Variants in BOD1 observed in about 807,000 individuals in gnomAD.
The protein encoded by BOD1 is biorientation of chromosomes in cell division protein 1.
BOD1 carries 11 observed loss-of-function variants against 15.7 expected under a neutral mutation model. That is an observed-to-expected ratio of 0.70 (90% CI 0.44 to 1.16). BOD1 has a LOEUF of 1.16. Among genes scored for constraint, BOD1 ranks in the 50% most tolerant of loss-of-function variants. The probability of loss-of-function intolerance (pLI) is 0.00; values close to 1 mark genes in which losing one functional copy is unlikely to be tolerated. For missense variants in BOD1, 182 were observed against 244.5 expected (o/e 0.74, Z 1.70); for synonymous variants, 105 against 103.5 (o/e 1.01, Z -0.09).
Position 173,612,302 on chromosome 5 carries a change from G to A in BOD1, c.362+829C>T, listed in dbSNP as rs1167824876. Among the ~76,000 whole-genome samples, 4 of 152,220 alleles carry A rather than the reference G, an allele frequency of 2.6e-5. No homozygotes were observed. The East Asian group carries it at 7.7e-4, about 29-fold the overall frequency. On this transcript the variant is annotated intron_variant, in intron 2 of 3. Coordinates refer to ENST00000311086, the MANE Select transcript of BOD1 (RefSeq NM_138369.3). ...CAGCCAGCTCTAATGTCAGCACCTT[G>A]CGTAACTAGTGCAATATCAAAACCA...
In BOD1 at chr5:173,616,470, AT is replaced by A; in HGVS notation, c.-35del. On this transcript the variant is annotated 5_prime_UTR_variant, in exon 1 of 4. Coordinates refer to ENST00000311086, the MANE Select transcript of BOD1 (RefSeq NM_138369.3). ...CCCGGGCCCACAAGGGAGAACGACT[AT>A]AGCTTCTTCTCCAGGACAGAAGGCC... The A allele has an allele frequency of 6.4e-7, 1 of 1,557,698 alleles. No individual in the cohort carries two copies. Among genetic ancestry groups the A allele is most frequent in the South Asian group, 1.1e-5 (1 of 86,974 alleles).
At chr5:173,611,592 T>C (rs1447735024) in intron 2 of BOD1, among the ~76,000 whole-genome samples, 3 of 151,348 alleles carry the variant, frequency 2.0e-5, no homozygotes, top group Non-Finnish European at 2.9e-5. Context: ...AGGAAATGAT[T>C]AGTATAAAAG....
chr5:173,614,402 CAAG>C (rs1755437882), intron 1 of BOD1, among the ~76,000 whole-genome samples: 3 of 152,222 alleles, frequency 2.0e-5, no homozygotes, highest in South Asian at 4.1e-4. Flanking sequence ...CATCTCAGTT[CAAG>C]AAGTCAAAGG....
chr5:173,616,550 G>A lies in BOD1; in HGVS notation c.-114C>T. The A allele has an allele frequency of 7.2e-7, 1 of 1,396,586 alleles. No homozygotes were observed. 86.5% of individuals were successfully genotyped at this position (1,396,586 alleles called of 1,614,324 possible). A position where few individuals can be genotyped will look rare whatever the true frequency, so the allele number is the denominator to read the frequency against. On this transcript the variant is annotated 5_prime_UTR_variant, in exon 1 of 4. Transcript: ENST00000311086. ...GGTGAAGGAGGAGGGCCCCAAGGCG[G>A]CAGCGGCGGAGGTGGCGATGGCGGC...
Position 173,616,283 on chromosome 5 carries a change from T to C in BOD1, c.154A>G (p.Ile52Val), listed in dbSNP as rs1275574128. ...TTGAGCTGCTCCACGATGAGAGCGA[T>C]GAGCTGCGGGTCGCCGGGAGGCAGC... ...ASLPPGDPQL[I>V]ALIVEQLKSR... The change falls in exon 1 of 4, where the codon ATC (isoleucine) becomes GTC (valine). Residue 52 changes from isoleucine to valine, a missense_variant. Ile to Val is a conservative substitution (Grantham distance 29). Coordinates refer to ENST00000311086, the MANE Select transcript of BOD1 (RefSeq NM_138369.3). The C allele has an allele frequency of 1.3e-6, 2 of 1,553,330 alleles. No homozygotes were observed. Among genetic ancestry groups the C allele is most frequent in the East Asian group, 2.4e-5 (1 of 41,330 alleles).
At chr5:173,615,139 G>A (rs1273423882) in intron 1 of BOD1, among the ~76,000 whole-genome samples, 4 of 152,014 alleles carry the variant, frequency 2.6e-5, no homozygotes, top group Non-Finnish European at 4.4e-5. Context: ...TTCAAGGACA[G>A]ACTTCTAGTT....
intron 1 of BOD1, chr5:173,614,930 T>A (rs762391632): frequency 1.3e-5 from 2 of 152,238 alleles, no homozygotes; most frequent in Non-Finnish European, 2.9e-5. Flanking sequence ...ACACAAGTAC[T>A]TCCATACCGC....
At chr5:173,615,444 C>T (rs371573686) in intron 1 of BOD1, among the ~76,000 whole-genome samples, 26 of 152,214 alleles carry the variant, frequency 1.7e-4, no homozygotes, top group African/African-American at 6.3e-4. Flanking sequence ...CACTACCCTG[C>T]AGGAGTCCAG....
chr5:173,610,767 T>C (rs1175330055), intron 2 of BOD1, among the ~76,000 whole-genome samples: 1 of 152,230 alleles, frequency 6.6e-6, no homozygotes, highest in African/African-American at 2.4e-5. Context: ...CCAGACTTCC[T>C]ATGTTGAAAT....
chr5:173,610,009 A>G (rs1392933130), intron 2 of BOD1, among the ~76,000 whole-genome samples: 1 of 152,230 alleles, frequency 6.6e-6, no homozygotes, highest in Non-Finnish European at 1.5e-5. Context: ...AGCAAACAAG[A>G]AATAGACAAA....
At chr5:173,610,962 C>G (rs1184510179) in intron 2 of BOD1, among the ~76,000 whole-genome samples, 8 of 152,164 alleles carry the variant, frequency 5.3e-5, no homozygotes, top group Admixed American at 5.2e-4. Flanking sequence ...GAAGGCCTTC[C>G]CCTGAACCTG....
At chr5:173,610,881 C>T (rs1442239646) in intron 2 of BOD1, among the ~76,000 whole-genome samples, 1 of 152,146 alleles carries the variant, frequency 6.6e-6, no homozygotes, top group Admixed American at 6.5e-5. Context: ...ACAAAAGGGA[C>T]CCCAGGAAGT....
intron 2 of BOD1, 89 bp from the exon 3 acceptor site, chr5:173,609,523 T>C (rs1252668439): frequency 2.2e-6 from 3 of 1,355,286 alleles, no homozygotes. Context: ...GCCCAATAAA[T>C]GTCCACCTTC....
At chr5:173,616,115 T>C in intron 1 of BOD1, 85 bp downstream of exon 1, 1 of 1,500,948 alleles carries the variant, frequency 6.7e-7, no homozygotes, top group Non-Finnish European at 9.0e-7. Flanking sequence ...TCTTTTGTTT[T>C]GCTCTCGGCT....
At position 173,613,109 on chromosome 5, in the gene BOD1, G is replaced by C. The variant is rs778559599; in HGVS notation, c.362+22C>G. 3.4e-6 allele frequency: 5 copies of C among 1,476,258 alleles called. No homozygotes were observed. The South Asian group carries it at 4.8e-5, about 14-fold the overall frequency. 91.4% of individuals were successfully genotyped at this position (1,476,258 alleles called of 1,614,324 possible). A position where few individuals can be genotyped will look rare whatever the true frequency, so the allele number is the denominator to read the frequency against. ...ACTTGTGATGACTGCCTTTTCAAAA[G>C]CTTTAAATTCTGCTTACTTACTGAA... On this transcript the variant is annotated intron_variant, in intron 2 of 3. Transcript: ENST00000311086.
intron 1 of BOD1, among the ~76,000 whole-genome samples, chr5:173,615,723 C>G (rs1211903627): frequency 6.6e-6 from 1 of 152,130 alleles, no homozygotes; most frequent in Non-Finnish European, 1.5e-5. Flanking sequence ...TATCTTAATT[C>G]AACGCCGTAC....
At chr5:173,610,688 T>G (rs1195448518) in intron 2 of BOD1, among the ~76,000 whole-genome samples, 1 of 152,202 alleles carries the variant, frequency 6.6e-6, no homozygotes, top group Non-Finnish European at 1.5e-5. Flanking sequence ...AACCACTTCC[T>G]GAGTCGGATT....
intron 1 of BOD1, among the ~76,000 whole-genome samples, chr5:173,613,895 T>G (rs1297974296): frequency 6.6e-6 from 1 of 152,248 alleles, no homozygotes; most frequent in Non-Finnish European, 1.5e-5. Context: ...AGTAACTGTC[T>G]TCCTCTCTTC....
chr5:173,613,717 A>C (rs1191547791), intron 1 of BOD1, among the ~76,000 whole-genome samples: 1 of 152,234 alleles, frequency 6.6e-6, no homozygotes, highest in Non-Finnish European at 1.5e-5. Flanking sequence ...AATGAAGTTG[A>C]CAAAGGAACC....
Sources: gnomAD v4.1 joint callset for allele counts (sites outside exome capture counted in the v4.1 genomes callset) on GRCh38, gnomAD v4.1.1 for gene constraint, MANE v1.5 for transcripts, NCBI Gene and HGNC (gene_info 2026-07-23, HGNC 2026-07-21) for gene names.